The following ITIH5 variants were observed in gnomAD, a reference collection of about 807,000 sequenced individuals.
The protein encoded by ITIH5 is inter-alpha-trypsin inhibitor heavy chain 5.
ITIH5 carries 65 observed loss-of-function variants against 77.5 expected under a neutral mutation model. The observed-to-expected ratio is 0.84, with a 90% confidence interval of 0.69 to 1.03. The LOEUF is 1.03. Among genes scored for constraint, ITIH5 ranks in the 50% least tolerant of loss-of-function variants. The pLI, the probability that ITIH5 is intolerant of heterozygous loss-of-function variation, is 0.00. For synonymous variants in ITIH5, 525 were observed against 494.3 expected (o/e 1.06, Z -0.82); for missense variants, 1,208 against 1,213.1 (o/e 1.00, Z 0.06).
intron 7 of ITIH5, among the ~76,000 whole-genome samples, chr10:7,599,067 G>C (rs1832964075): frequency 6.6e-6 from 1 of 152,150 alleles, no homozygotes; most frequent in Admixed American, 6.5e-5. Flanking sequence ...TTTCTGAAAA[G>C]CTCTTTGCCA....
Position 7,634,385 on chromosome 10 carries a change from G to A in ITIH5, c.652+2843C>T, listed in dbSNP as rs376932502. ...GCAGGAACAATAACCGCTGAGCTCTGAAAGACGGGAGTGGGGAGCAGCAAA... is the reference window on the plus strand; with the variant it reads ...GCAGGAACAATAACCGCTGAGCTCTAAAAGACGGGAGTGGGGAGCAGCAAA... On this transcript the variant is annotated intron_variant, in intron 5 of 13. Transcript: ENST00000397146. 1.8e-4 allele frequency among the ~76,000 whole-genome samples: 28 copies of A among 152,288 alleles called. No individual in the cohort carries two copies. The East Asian group carries it at 3.1e-3, about 17-fold the overall frequency.
chr10:7,651,204 A>G (rs1293432219), intron 2 of ITIH5, among the ~76,000 whole-genome samples: 1 of 152,132 alleles, frequency 6.6e-6, no homozygotes, highest in Non-Finnish European at 1.5e-5. Context: ...GTTCCTAGGA[A>G]CAGCAGACAA....
chr10:7,597,595 A>G (rs192414362), intron 7 of ITIH5, among the ~76,000 whole-genome samples: 1,666 of 142,654 alleles, frequency 0.012, 30 homozygotes, highest in African/African-American at 0.04. Flanking sequence ...CGTACACAGC[A>G]TGGTCCCAAG....
intron 7 of ITIH5, among the ~76,000 whole-genome samples, chr10:7,606,873 A>G (rs921526599): frequency 1.3e-5 from 2 of 152,192 alleles, no homozygotes; most frequent in Non-Finnish European, 2.9e-5. Flanking sequence ...AATTATCTGT[A>G]TTATCATTGT....
Position 7,576,949 on chromosome 10 carries a change from T to G in ITIH5, c.1482A>C (p.Ser494=). The change falls in exon 10 of 14, where the codon TCA becomes TCC. Residue 494 remains serine, a synonymous_variant. Coordinates refer to ENST00000397146, the MANE Select transcript of ITIH5 (RefSeq NM_030569.7). ...ACAGGGTCTTGGTGGCCTGCACCAC[T>G]GAGCTGGGGGGATAATCGATGCGGA... ...SDIRIDYPPS[S]VVQATKTLFP... 6.2e-7 allele frequency: 1 copy of G among 1,614,094 alleles called. No individual in the cohort carries two copies.
At chr10:7,578,885 T>C (rs1176238730) in intron 9 of ITIH5, among the ~76,000 whole-genome samples, 1 of 152,250 alleles carries the variant, frequency 6.6e-6, no homozygotes, top group Non-Finnish European at 1.5e-5. Flanking sequence ...CCATCTCTCA[T>C]TTAAAAGATC....
In ITIH5 at chr10:7,562,512, G is replaced by T. The variant is rs74577999; in HGVS notation, c.*571C>A. ...AGAAGAAAAACGTCTTGCAAGAAAA[G>T]ACTTCATGGTTTACAACGATCAAAT... On this transcript the variant is annotated 3_prime_UTR_variant, in exon 14 of 14. Transcript: ENST00000397146. 2,417 of 152,910 alleles carry T rather than the reference G, an allele frequency of 0.016. 58 individuals carry two copies. The highest frequency in any genetic ancestry group is 0.052 in the African/African-American group (2,150 of 41,554). The allele number at this position is 152,910 out of a possible 1,614,324, so 9.5% of individuals were successfully genotyped here. A position where few individuals can be genotyped will look rare whatever the true frequency, so the allele number is the denominator to read the frequency against.
chr10:7,564,556 C>T (rs1011692984), intron 13 of ITIH5, among the ~76,000 whole-genome samples: 16 of 152,194 alleles, frequency 1.1e-4, no homozygotes, highest in Admixed American at 1.0e-3. Context: ...TACAGGTTTG[C>T]AGCCCGGGAG....
intron 11 of ITIH5, chr10:7,570,335 G>A (rs1215211096): frequency 6.6e-6 from 1 of 152,370 alleles, no homozygotes; most frequent in Non-Finnish European, 1.5e-5. Context: ...TAGATGCAGA[G>A]GCAAGGGAAG....
chr10:7,568,103 A>G (rs928217981), intron 12 of ITIH5, among the ~76,000 whole-genome samples: 2 of 152,208 alleles, frequency 1.3e-5, no homozygotes, highest in East Asian at 1.9e-4. Flanking sequence ...GTCTGGCTGA[A>G]TAACAAACAG....
At chr10:7,615,025 A>C (rs1833336053) in intron 7 of ITIH5, among the ~76,000 whole-genome samples, 1 of 152,158 alleles carries the variant, frequency 6.6e-6, no homozygotes, top group African/African-American at 2.4e-5. Flanking sequence ...AGACAGGTGG[A>C]TACCTAAGGT....
intron 4 of ITIH5, among the ~76,000 whole-genome samples, chr10:7,638,341 A>G (rs114695118): frequency 4.6e-5 from 7 of 152,326 alleles, no homozygotes; most frequent in African/African-American, 1.4e-4. Flanking sequence ...GGAAAGAGAC[A>G]TAAGTATTGA....
At chr10:7,629,132 A>AGCATGTGTCCGTGTTGTG (rs879733877) in intron 5 of ITIH5, among the ~76,000 whole-genome samples, 13,709 of 106,986 alleles carry the variant, frequency 0.13, 2,656 homozygotes, top group African/African-American at 0.27. Context: ...TCCGTGTTGT[A>AGCATGTGTCCGTGTTGTG]GCATGTGTCC....
At chr10:7,651,497 G>T (rs1026339646) in intron 2 of ITIH5, among the ~76,000 whole-genome samples, 1 of 152,040 alleles carries the variant, frequency 6.6e-6, no homozygotes, top group Non-Finnish European at 1.5e-5. Context: ...AATCCCAGGT[G>T]CTCGGGAGAC....
At chr10:7,659,286 G>A (rs1029702258) in intron 1 of ITIH5, among the ~76,000 whole-genome samples, 4 of 152,098 alleles carry the variant, frequency 2.6e-5, no homozygotes, top group Non-Finnish European at 5.9e-5. Context: ...GGCTGAGGCA[G>A]GAGAATCTCT....
At chr10:7,644,599 CATATCACATATATCACAT>C (rs914923460) in intron 2 of ITIH5, among the ~76,000 whole-genome samples, 1 of 87,382 alleles carries the variant, frequency 1.1e-5, no homozygotes, top group Non-Finnish European at 2.4e-5. Context: ...ATATATCATA[CATATCACATATATCACAT>C]ATATATCACA....
intron 13 of ITIH5, among the ~76,000 whole-genome samples, chr10:7,565,710 T>C (rs1206750023): frequency 1.3e-5 from 2 of 148,942 alleles, no homozygotes; most frequent in Non-Finnish European, 3.0e-5. Context: ...GCATATATAA[T>C]ATATATTATG....
intron 5 of ITIH5, among the ~76,000 whole-genome samples, chr10:7,631,352 G>A (rs1178198210): frequency 6.6e-6 from 1 of 152,206 alleles, no homozygotes; most frequent in African/African-American, 2.4e-5. Context: ...GCCAGACTTG[G>A]AGCCTCTTCT....
At chr10:7,587,360 G>A (rs1184908949) in intron 7 of ITIH5, among the ~76,000 whole-genome samples, 1 of 152,212 alleles carries the variant, frequency 6.6e-6, no homozygotes, top group East Asian at 1.9e-4. Context: ...AAGCAGCACT[G>A]TTGTTAGACA....
Sources: gnomAD v4.1 joint callset for allele counts (sites outside exome capture counted in the v4.1 genomes callset) on GRCh38, gnomAD v4.1.1 for gene constraint, MANE v1.5 for transcripts, NCBI Gene and HGNC (gene_info 2026-07-23, HGNC 2026-07-21) for gene names.